PTPRJ: variants seen among roughly 807,000 people sequenced by gnomAD.
The protein encoded by PTPRJ is receptor-type tyrosine-protein phosphatase eta.
Under a neutral mutation model 141.3 loss-of-function variants are expected in PTPRJ, and 129 were observed. The ratio of observed to expected loss-of-function variants is 0.91; its 90% CI spans 0.79 to 1.06. The LOEUF is 1.06. Among genes scored for constraint, PTPRJ ranks in the 50% least tolerant of loss-of-function variants. PTPRJ has a pLI of 0.00. For missense variants in PTPRJ, 1,601 were observed against 1,679.7 expected, an observed-to-expected ratio of 0.95 and a Z score of 0.82; for synonymous variants, 610 against 640.5, an observed-to-expected ratio of 0.95 and a Z score of 0.72.
chr11:48,097,015 C>G (rs1467949493), intron 1 of PTPRJ, among the ~76,000 whole-genome samples: 1 of 152,208 alleles, frequency 6.6e-6, no homozygotes, highest in East Asian at 1.9e-4. Context: ...TGTCCCTGCT[C>G]TCATCCTTCA....
At position 48,136,158 on chromosome 11, in the gene PTPRJ, C is replaced by A; in HGVS notation, c.1735C>A (p.His579Asn). The part of the protein sequence containing the change: ...YVYHLVIESK[H>N]GSNHTSTYDK... ...CTACCATTTAGTCATAGAGTCCAAG[C>A]ATGGCTCTAACCACACAAGCACGTA... The change falls in exon 9 of 25, where the codon CAT becomes AAT. Residue 579 changes from histidine to asparagine, a missense_variant. Transcript: ENST00000418331. 1 of 1,614,218 alleles carries A rather than the reference C, an allele frequency of 6.2e-7. No homozygotes were observed. The highest frequency in any genetic ancestry group is 8.5e-7 in the Non-Finnish European group (1 of 1,180,036).
Position 48,170,752 on chromosome 11 carries a change from G to T in PTPRJ, c.*3390G>T, listed in dbSNP as rs1451196453. On this transcript the variant is annotated 3_prime_UTR_variant, in exon 25 of 25. Coordinates refer to ENST00000418331, the MANE Select transcript of PTPRJ (RefSeq NM_002843.4). ...ATACTTGTACAGAGTATTGCTGTTG[G>T]TTGCTTTTTTTTTTTTTAAGGAAAA... 2 of 60,484 alleles carry T rather than the reference G, an allele frequency of 3.3e-5. No individual in the cohort carries two copies. The highest frequency in any genetic ancestry group is 5.9e-5 in the Non-Finnish European group (2 of 33,904). The allele number at this position is 60,484 out of a possible 1,614,324, so 3.7% of individuals were successfully genotyped here. A position where few individuals can be genotyped will look rare whatever the true frequency, so the allele number is the denominator to read the frequency against.
Position 48,159,810 on chromosome 11 carries a change from A to T in PTPRJ, c.3439-120A>T, listed in dbSNP as rs1192735416. On this transcript the variant is annotated intron_variant, in intron 21 of 24. Coordinates refer to ENST00000418331, the MANE Select transcript of PTPRJ (RefSeq NM_002843.4). ...AATTCGAAGGGTCAAACAAAACCCA[A>T]CTAGAAGGTCTGATTCCATCTCTGA... 4.6e-6 allele frequency: 6 copies of T among 1,310,776 alleles called. No homozygotes were observed. In the Admixed American group the frequency reaches 1.3e-4, roughly 28 times the overall value. The allele number at this position is 1,310,776 out of a possible 1,614,324, so 81.2% of individuals were successfully genotyped here.
chr11:47,998,486 GT>G (rs1854402273), intron 1 of PTPRJ, among the ~76,000 whole-genome samples: 1 of 152,186 alleles, frequency 6.6e-6, no homozygotes, highest in Non-Finnish European at 1.5e-5. Context: ...GCACAGAGAG[GT>G]GGAGGGACTT....
At chr11:48,071,346 T>C (rs1408674940) in intron 1 of PTPRJ, among the ~76,000 whole-genome samples, 1 of 152,018 alleles carries the variant, frequency 6.6e-6, no homozygotes, top group African/African-American at 2.4e-5. Context: ...AGATGGAGTC[T>C]CACTCTTCTG....
At chr11:48,090,464 T>G (rs1181340911) in intron 1 of PTPRJ, among the ~76,000 whole-genome samples, 1 of 152,176 alleles carries the variant, frequency 6.6e-6, no homozygotes. Context: ...GGCTTCGATG[T>G]CATCTTCTGG....
intron 1 of PTPRJ, among the ~76,000 whole-genome samples, chr11:48,012,637 G>GAGA (rs535255822): frequency 9.0e-4 from 137 of 152,254 alleles, no homozygotes; most frequent in African/African-American, 3.2e-3. Flanking sequence ...GGGGCCTTGG[G>GAGA]AGAAGAGTCC....
chr11:48,040,452 T>C (rs1303817195), intron 1 of PTPRJ, among the ~76,000 whole-genome samples: 1 of 152,224 alleles, frequency 6.6e-6, no homozygotes, highest in African/African-American at 2.4e-5. Flanking sequence ...TTATTTTCCG[T>C]ACCACTGCCA....
chr11:48,137,130 C>G lies in PTPRJ; in HGVS notation c.2001C>G (p.Ser667=). ...TTCTTATTGAGAAGGCTGGAAATTC[C>G]AGCAACGCAACACAAGTAGTCACGG... ...YCLLIEKAGN[S]SNATQVVTDI... is the part of the protein sequence containing the mutation. The change falls in exon 10 of 25, where the codon TCC becomes TCG. Residue 667 remains serine (S), a synonymous_variant. Coordinates refer to ENST00000418331, the MANE Select transcript of PTPRJ (RefSeq NM_002843.4). The G allele has an allele frequency of 3.1e-6, 5 of 1,612,700 alleles. No individual in the cohort carries two copies. The highest frequency in any genetic ancestry group is 4.2e-6 in the Non-Finnish European group (5 of 1,178,696).
At chr11:48,069,921 C>G (rs982991885) in intron 1 of PTPRJ, among the ~76,000 whole-genome samples, 5 of 152,330 alleles carry the variant, frequency 3.3e-5, no homozygotes, top group African/African-American at 1.2e-4. Flanking sequence ...GTAGTTGGTT[C>G]TCCCTGAAAA....
chr11:48,016,185 T>C (rs1260340590), intron 1 of PTPRJ, among the ~76,000 whole-genome samples: 1 of 152,162 alleles, frequency 6.6e-6, no homozygotes, highest in East Asian at 1.9e-4. Flanking sequence ...TGGTGAGGGC[T>C]GTTCAGCCTC....
chr11:48,159,161 G>GTGTGTGTGTGTGTGTGTGTGTGTA (rs60389100), intron 21 of PTPRJ, among the ~76,000 whole-genome samples: 5 of 130,636 alleles, frequency 3.8e-5, no homozygotes, highest in East Asian at 2.4e-4. Context: ...GTGTGTGTGT[G>GTGTGTGTGTGTGTGTGTGTGTGTA]GTCATTTGCC....
intron 1 of PTPRJ, among the ~76,000 whole-genome samples, chr11:47,995,190 G>T (rs1854301048): frequency 6.6e-6 from 1 of 152,076 alleles, no homozygotes; most frequent in Non-Finnish European, 1.5e-5. Flanking sequence ...ATATAATCTG[G>T]TGATTGCCTT....
rs549402575 is a variant in PTPRJ at position 48,004,555 on chromosome 11, T to C, written c.96+23547T>C. On this transcript the variant is annotated intron_variant, in intron 1 of 24. Transcript: ENST00000418331. ...TAGATGGGCTGGTCAGAGTTTCAAG[T>C]CATAGGCAGTGCAGGCCTCAAAGGA... Among the ~76,000 whole-genome samples the C allele has an allele frequency of 2.0e-4, 31 of 152,192 alleles. No homozygotes were observed. In the South Asian group the frequency reaches 6.0e-3, roughly 30 times the overall value.
intron 1 of PTPRJ, among the ~76,000 whole-genome samples, chr11:48,053,480 T>A (rs1333779665): frequency 8.2e-5 from 10 of 121,286 alleles, no homozygotes; most frequent in Admixed American, 2.3e-4. Flanking sequence ...ATATAAAAAA[T>A]ATATATAAAA....
At chr11:48,045,084 A>G (rs982601464) in intron 1 of PTPRJ, among the ~76,000 whole-genome samples, 2 of 152,074 alleles carry the variant, frequency 1.3e-5, no homozygotes, top group South Asian at 4.1e-4. Flanking sequence ...CCCCGTAATT[A>G]TGGGATTTGG....
At chr11:48,064,587 C>T (rs917848487) in intron 1 of PTPRJ, among the ~76,000 whole-genome samples, 47 of 151,548 alleles carry the variant, frequency 3.1e-4, no homozygotes, top group Non-Finnish European at 5.4e-4. Context: ...CTACGAAGCC[C>T]GAGCTGCAAA....
chr11:48,084,757 C>A (rs745943369), intron 1 of PTPRJ, among the ~76,000 whole-genome samples: 32 of 152,116 alleles, frequency 2.1e-4, no homozygotes, highest in Non-Finnish European at 4.4e-4. Context: ...CAGCAAATGG[C>A]CACTTGGCTG....
intron 4 of PTPRJ, among the ~76,000 whole-genome samples, chr11:48,122,068 A>G (rs925632062): frequency 1.3e-5 from 2 of 152,200 alleles, no homozygotes; most frequent in Admixed American, 1.3e-4. Context: ...TTCTTTAAAC[A>G]AAACCTTGCC....
Sources: gnomAD v4.1 joint callset for allele counts (sites outside exome capture counted in the v4.1 genomes callset) on GRCh38, gnomAD v4.1.1 for gene constraint, MANE v1.5 for transcripts, NCBI Gene and HGNC (gene_info 2026-07-23, HGNC 2026-07-21) for gene names.